The following ANKS1A variants were observed in gnomAD, a reference collection of about 807,000 sequenced individuals.
ANKS1A encodes ankyrin repeat and sterile alpha motif domain containing 1A, also known as ankyrin repeat and SAM domain-containing protein 1A.
Under a neutral mutation model 120.3 loss-of-function variants are expected in ANKS1A, and 55 were observed. The ratio of observed to expected loss-of-function variants is 0.46; its 90% CI spans 0.37 to 0.57. The LOEUF is 0.57. Ranked by LOEUF, ANKS1A falls within the 20% of genes least tolerant of loss-of-function variation. ANKS1A has a pLI of 0.00. For missense variants in ANKS1A, 1,123 were observed against 1,480.3 expected (o/e 0.76, Z 3.96); for synonymous variants, 590 against 604.7 (o/e 0.98, Z 0.36).
At chr6:35,054,439 A>T (rs74629729) in intron 12 of ANKS1A, among the ~76,000 whole-genome samples, 1 of 152,332 alleles carries the variant, frequency 6.6e-6, no homozygotes, top group African/African-American at 2.4e-5. Context: ...CAACAATCGT[A>T]ACTTATTCAT....
intron 1 of ANKS1A, among the ~76,000 whole-genome samples, chr6:34,906,756 A>G (rs1163085009): frequency 1.3e-5 from 2 of 152,242 alleles, no homozygotes; most frequent in Non-Finnish European, 2.9e-5. Flanking sequence ...CAGAATATTT[A>G]TTAATTCCTA....
At chr6:34,951,049 A>C (rs1462349181) in intron 1 of ANKS1A, among the ~76,000 whole-genome samples, 1 of 152,158 alleles carries the variant, frequency 6.6e-6, no homozygotes, top group African/African-American at 2.4e-5. Flanking sequence ...TGTTTGTATA[A>C]GCTTAGAAAA....
intron 3 of ANKS1A, chr6:34,972,445 C>T (rs1466864038): frequency 1.6e-5 from 3 of 189,394 alleles, no homozygotes; most frequent in African/African-American, 7.1e-5. Flanking sequence ...GGTTGTCTTT[C>T]TTATTAACTT....
chr6:35,035,047 TA>T (rs1345617528), intron 11 of ANKS1A, among the ~76,000 whole-genome samples: 1 of 152,186 alleles, frequency 6.6e-6, no homozygotes, highest in Non-Finnish European at 1.5e-5. Flanking sequence ...TCGCCCTGAG[TA>T]ACAGGAAGAA....
At position 35,039,092 on chromosome 6, in the gene ANKS1A, G is replaced by GTGT. The variant is rs139625626; in HGVS notation, c.2011-15007_2011-15006insTGT. On this transcript the variant is annotated intron_variant, in intron 11 of 23. Transcript: ENST00000360359. ...TTTGCATGTATGTGTGTGTGTGTGT[G>GTGT]GGGGGGGGTTATATGCATTTTTATC... Among the ~76,000 whole-genome samples the GTGT allele has an allele frequency of 6.7e-3, 764 of 113,202 alleles. 2 individuals are homozygous for GTGT. Among genetic ancestry groups the GTGT allele is most frequent in the South Asian group, 0.013 (47 of 3,556 alleles). 74.3% of individuals were successfully genotyped at this position (113,202 alleles called of 152,430 possible).
chr6:35,038,462 T>C (rs748222890), intron 11 of ANKS1A, among the ~76,000 whole-genome samples: 1 of 152,162 alleles, frequency 6.6e-6, no homozygotes, highest in Non-Finnish European at 1.5e-5. Context: ...ATTCTGATTA[T>C]GTTCATTCTT....
intron 14 of ANKS1A, 23 bp downstream of exon 14, chr6:35,078,679 CCT>C: frequency 6.3e-7 from 1 of 1,598,784 alleles, no homozygotes. Flanking sequence ...GGCCCTGTAG[CCT>C]CAGCCCGTGC....
At position 34,889,588 on chromosome 6, in the gene ANKS1A, C is replaced by T. The variant is rs1766694238; in HGVS notation, c.186C>T (p.Ser62=). 4.6e-6 allele frequency: 6 copies of T among 1,301,888 alleles called. No homozygotes were observed. In the South Asian group the frequency reaches 1.9e-4, roughly 41 times the overall value. 80.6% of individuals were successfully genotyped at this position (1,301,888 alleles called of 1,614,324 possible). The change falls in exon 1 of 24, where the codon TCC becomes TCT. Residue 62 remains serine, a synonymous_variant. Transcript: ENST00000360359. The surrounding 1 kb of genome is among the most constrained non-coding windows in gnomAD (Gnocchi z 5.5). ...TCGGCTCTTCCAGCCACCCCCTCTCCAGTCTGCTCAGGTGGGTACGCGCCA... is the reference window on the plus strand; with the variant it reads ...TCGGCTCTTCCAGCCACCCCCTCTCTAGTCTGCTCAGGTGGGTACGCGCCA... ...GGLGSSSHPL[S]SLLSMWRGPN... is the part of the protein sequence containing the mutation.
chr6:35,078,645 TC>T lies in ANKS1A; in HGVS notation c.2275del (p.Leu759TyrfsTer4). On this transcript the variant is annotated frameshift_variant, in exon 14 of 24. Transcript: ENST00000360359. LOFTEE classifies it high-confidence loss of function. ...GCGGAAGCTGCTCCAGGCGGCACGC[TC>T]CCTACCCAAGGTGACCATCGCCGGC... ...HRRKLLQAAR[S>X]LPKVKALGYD... 1 of 1,602,166 alleles carries T rather than the reference TC, an allele frequency of 6.2e-7. No homozygotes were observed. Among genetic ancestry groups the T allele is most frequent in the Non-Finnish European group, 8.5e-7 (1 of 1,179,836 alleles).
intron 11 of ANKS1A, among the ~76,000 whole-genome samples, chr6:35,029,951 A>G (rs543171980): frequency 1.7e-4 from 26 of 152,002 alleles, no homozygotes; most frequent in African/African-American, 5.3e-4. Context: ...TCATTTTGCT[A>G]TGAGGAGTGC....
chr6:35,071,541 C>A (rs988656422), intron 13 of ANKS1A, among the ~76,000 whole-genome samples: 1 of 152,054 alleles, frequency 6.6e-6, no homozygotes, highest in Admixed American at 6.6e-5. Flanking sequence ...AATGCCCCTA[C>A]CCATCATGGC....
chr6:34,925,457 T>G (rs1394197768), intron 1 of ANKS1A, among the ~76,000 whole-genome samples: 1 of 152,118 alleles, frequency 6.6e-6, no homozygotes. Context: ...GCTCTGTACG[T>G]GAGAGGAGCA....
chr6:35,092,866 GGTT>G (rs2127622912), downstream of ANKS1A, among the ~76,000 whole-genome samples: 1 of 152,212 alleles, frequency 6.6e-6, no homozygotes, highest in African/African-American at 2.4e-5. Flanking sequence ...TAGACAGCTG[GGTT>G]GTTACTACTG....
rs928381505 is a variant in ANKS1A at position 35,090,146 on chromosome 6, G to A, written c.*1537G>A. 4 of 1,289,340 alleles carry A rather than the reference G, an allele frequency of 3.1e-6. No individual in the cohort carries two copies. The African/African-American group carries it at 6.1e-5, about 20-fold the overall frequency. 79.9% of individuals were successfully genotyped at this position (1,289,340 alleles called of 1,614,324 possible). A position where few individuals can be genotyped will look rare whatever the true frequency, so the allele number is the denominator to read the frequency against. On this transcript the variant is annotated 3_prime_UTR_variant, in exon 24 of 24. Coordinates refer to ENST00000360359, the MANE Select transcript of ANKS1A (RefSeq NM_015245.3). ...CTGGGACTCAGCTCTCTCTGCGGTA[G>A]AGGCAGGCCCTCCTCCACTTCTTGG...
At chr6:34,890,842 A>T (rs528640920) in intron 1 of ANKS1A, among the ~76,000 whole-genome samples, 31 of 152,288 alleles carry the variant, frequency 2.0e-4, no homozygotes, top group African/African-American at 7.5e-4. Context: ...CCATTACTTT[A>T]TGTAACTTCA....
intron 11 of ANKS1A, among the ~76,000 whole-genome samples, chr6:35,047,870 C>G (rs918444613): frequency 6.6e-6 from 1 of 152,226 alleles, no homozygotes; most frequent in Non-Finnish European, 1.5e-5. Flanking sequence ...TGTATTTCCT[C>G]CCGGTCATGT....
At chr6:35,040,557 A>G (rs1775404985) in intron 11 of ANKS1A, among the ~76,000 whole-genome samples, 1 of 152,246 alleles carries the variant, frequency 6.6e-6, no homozygotes, top group Non-Finnish European at 1.5e-5. Context: ...ATGTAGAAGC[A>G]TATTTGAGAT....
intron 1 of ANKS1A, among the ~76,000 whole-genome samples, chr6:34,954,649 T>A (rs1376659472): frequency 6.6e-6 from 1 of 152,186 alleles, no homozygotes; most frequent in Non-Finnish European, 1.5e-5. Context: ...GTCACTGCTT[T>A]GCAGAACATG....
intron 23 of ANKS1A, 74 bp from the exon 24 acceptor site, chr6:35,088,527 GTTTCC>G (rs1014319162): frequency 2.5e-6 from 4 of 1,581,404 alleles, no homozygotes; most frequent in East Asian, 2.2e-5. Context: ...CCTGCTCTGT[GTTTCC>G]TTTCCATTTC....
Sources: allele counts gnomAD v4.1 joint callset (sites outside exome capture counted in the v4.1 genomes callset), GRCh38; gene constraint gnomAD v4.1.1; non-coding constraint Gnocchi (gnomAD v3.1); transcripts MANE v1.5; gene names NCBI Gene and HGNC (gene_info 2026-07-23, HGNC 2026-07-21).